CACNA1E: variants seen among roughly 807,000 people sequenced by gnomAD.
CACNA1E encodes calcium voltage-gated channel subunit alpha1 E.
A neutral mutation model predicts 259.2 loss-of-function variants in CACNA1E; 40 were observed. The observed-to-expected ratio is 0.15, with a 90% CI of 0.12 to 0.20. The LOEUF is 0.20. Among genes scored for constraint, CACNA1E ranks in the 10% least tolerant of loss-of-function variants. CACNA1E has a pLI of 1.00. For synonymous variants in CACNA1E, 1,104 were observed against 1,138.5 expected (o/e 0.97, Z 0.61); for missense variants, 1,874 against 3,040.1 (o/e 0.62, Z 9.02).
At chr1:181,350,452 C>G (rs1652949568) in intron 1 of CACNA1E, among the ~76,000 whole-genome samples, 1 of 152,190 alleles carries the variant, frequency 6.6e-6, no homozygotes, top group South Asian at 2.1e-4. Flanking sequence ...GCTTCCTCTC[C>G]TCTCCTCTCT....
chr1:181,586,290 T>A (rs957547986), intron 6 of CACNA1E, among the ~76,000 whole-genome samples: 1 of 152,160 alleles, frequency 6.6e-6, no homozygotes, highest in Non-Finnish European at 1.5e-5. Context: ...GCTCATTTGA[T>A]ACAGTAGTAT....
intron 5 of CACNA1E, among the ~76,000 whole-genome samples, chr1:181,579,520 G>A (rs1182889399): frequency 1.3e-5 from 2 of 152,194 alleles, no homozygotes; most frequent in South Asian, 4.2e-4. Context: ...ATCTGTCTGA[G>A]CCAGGCATAG....
At chr1:181,426,813 C>T (rs1224660356) in intron 2 of CACNA1E, among the ~76,000 whole-genome samples, 2 of 107,346 alleles carry the variant, frequency 1.9e-5, no homozygotes, top group African/African-American at 3.7e-5. Context: ...CAACCCCTTC[C>T]CATCTCAACT....
chr1:181,470,529 A>G (rs689262), intron 2 of CACNA1E, among the ~76,000 whole-genome samples: 2,230 of 151,780 alleles, frequency 0.015, 45 homozygotes, highest in African/African-American at 0.048. Flanking sequence ...GCCTTGATTT[A>G]TTTTCTAATA....
chr1:181,610,662 T>G (rs1654675385), intron 6 of CACNA1E, among the ~76,000 whole-genome samples: 1 of 152,222 alleles, frequency 6.6e-6, no homozygotes, highest in South Asian at 2.1e-4. Flanking sequence ...ACTCAGGTAG[T>G]AATGTCAATA....
intron 35 of CACNA1E, among the ~76,000 whole-genome samples, chr1:181,769,918 T>A (rs1165453382): frequency 6.6e-6 from 1 of 152,226 alleles, no homozygotes; most frequent in Admixed American, 6.5e-5. Context: ...TGGGATTTTT[T>A]AAATGCTACT....
At chr1:181,366,141 C>T (rs937204504) in intron 1 of CACNA1E, among the ~76,000 whole-genome samples, 1 of 152,186 alleles carries the variant, frequency 6.6e-6, no homozygotes, top group Non-Finnish European at 1.5e-5. Flanking sequence ...ACCTGGTTCT[C>T]ATTTGACTAT....
chr1:181,506,966 A>C (rs1431873482), intron 1 of CACNA1E, among the ~76,000 whole-genome samples: 1 of 152,058 alleles, frequency 6.6e-6, no homozygotes, highest in African/African-American at 2.4e-5. Flanking sequence ...CCATGAATTC[A>C]TCCTGAGGTC....
At chr1:181,715,059 T>G (rs1182246635) in intron 8 of CACNA1E, among the ~76,000 whole-genome samples, 1 of 152,226 alleles carries the variant, frequency 6.6e-6, no homozygotes, top group East Asian at 1.9e-4. Flanking sequence ...TTTTAGCTTC[T>G]TCCTCTCTTC....
In CACNA1E at chr1:181,776,829, C is replaced by A. The variant is rs571510134; in HGVS notation, c.5267+601C>A. Among the ~76,000 whole-genome samples the A allele has an allele frequency of 6.6e-6, 1 of 152,300 alleles. No individual in the cohort carries two copies. Among genetic ancestry groups the A allele is most frequent in the South Asian group, 2.1e-4 (1 of 4,826 alleles). The stretch of plus-strand genomic sequence containing the variant: ...CTGTTTAGTAGTTCTGAAGTGATAG[C>A]GTGCCTTCTAGGCTCTAGAGCAGGG... On this transcript the variant is annotated intron_variant, in intron 38 of 47. Coordinates refer to ENST00000367573, the MANE Select transcript of CACNA1E (RefSeq NM_001205293.3). This position sits in a 1 kb window ranked among gnomAD's most constrained non-coding sequence, Gnocchi z 4.4.
At chr1:181,650,003 T>A (rs199976) in intron 6 of CACNA1E, among the ~76,000 whole-genome samples, 147,275 of 152,318 alleles carry the variant, frequency 0.97, 71,399 homozygotes, top group Non-Finnish European at 1. Context: ...TTGAACTTAA[T>A]ATAAAAGTTA....
At chr1:181,627,148 G>T (rs534366904) in intron 6 of CACNA1E, among the ~76,000 whole-genome samples, 4 of 152,190 alleles carry the variant, frequency 2.6e-5, no homozygotes, top group Admixed American at 1.3e-4. Flanking sequence ...GAAAGAACAA[G>T]GAAGAATTTC....
At chr1:181,458,910 T>A (rs1174018761) in intron 2 of CACNA1E, among the ~76,000 whole-genome samples, 4 of 152,202 alleles carry the variant, frequency 2.6e-5, no homozygotes, top group Non-Finnish European at 5.9e-5. Context: ...GAAATAACCA[T>A]TGATTACATA....
intron 1 of CACNA1E, among the ~76,000 whole-genome samples, chr1:181,347,922 A>G (rs1557931894): frequency 6.6e-6 from 1 of 152,266 alleles, no homozygotes; most frequent in Non-Finnish European, 1.5e-5. Context: ...CAATTTGCAT[A>G]GGCGTTAATT....
intron 6 of CACNA1E, among the ~76,000 whole-genome samples, chr1:181,616,494 C>A (rs149190209): frequency 6.6e-6 from 1 of 152,214 alleles, no homozygotes; most frequent in African/African-American, 2.4e-5. Context: ...GTGGGTGGAT[C>A]ATGAGGTCGA....
At chr1:181,371,344 C>G (rs1174922024) in intron 1 of CACNA1E, among the ~76,000 whole-genome samples, 1 of 152,142 alleles carries the variant, frequency 6.6e-6, no homozygotes, top group Non-Finnish European at 1.5e-5. Flanking sequence ...TCACTGCAGC[C>G]TCCATCTTCC....
At chr1:181,703,841 C>T (rs1234661635) in intron 7 of CACNA1E, among the ~76,000 whole-genome samples, 1 of 148,772 alleles carries the variant, frequency 6.7e-6, no homozygotes, top group Non-Finnish European at 1.5e-5. Context: ...GTCAGGTTCC[C>T]CTCGCCTGAT....
intron 26 of CACNA1E, among the ~76,000 whole-genome samples, chr1:181,751,108 T>A (rs138579932): frequency 6.6e-6 from 1 of 152,282 alleles, no homozygotes; most frequent in African/African-American, 2.4e-5. Flanking sequence ...TGGGTCAACA[T>A]GAAGAAAGAG....
intron 3 of CACNA1E, among the ~76,000 whole-genome samples, chr1:181,555,435 A>T (rs1205361771): frequency 6.6e-6 from 1 of 152,228 alleles, no homozygotes; most frequent in Non-Finnish European, 1.5e-5. Flanking sequence ...TGAGGGCACC[A>T]TATACATAGA....
Sources: allele counts gnomAD v4.1 joint callset (sites outside exome capture counted in the v4.1 genomes callset), GRCh38; gene constraint gnomAD v4.1.1; non-coding constraint Gnocchi (gnomAD v3.1); transcripts MANE v1.5; gene names NCBI Gene and HGNC (gene_info 2026-07-23, HGNC 2026-07-21).